The following TBX15 variants were observed in gnomAD, a reference collection of about 807,000 sequenced individuals.
The protein encoded by TBX15 is T-box transcription factor 15.
A neutral mutation model predicts 53.9 loss-of-function variants in TBX15; 18 were observed. The ratio of observed to expected loss-of-function variants is 0.33; its 90% confidence interval spans 0.23 to 0.49. The LOEUF is 0.49. TBX15 is among the 20% of genes least tolerant of loss of function. TBX15 has a pLI of 0.98. For synonymous variants in TBX15, 295 were observed against 278.0 expected, an observed-to-expected ratio of 1.06 and a Z score of -0.61; for missense variants, 692 against 749.5, an observed-to-expected ratio of 0.92 and a Z score of 0.90.
rs752345299 is a variant in TBX15, at chr1:118,987,724, G to T, written c.72C>A (p.Ile24=). ...RAHAFSVEAL[I]GSNKKRKLRD... Reference sequence around the variant, plus strand: ...GCAGTTTCCGTTTTTTATTTGAGCCGATCAAGGCTTCAACGGAGAAGGCAT... The same window carrying T: ...GCAGTTTCCGTTTTTTATTTGAGCCTATCAAGGCTTCAACGGAGAAGGCAT... Residue 24 remains isoleucine (I), a synonymous_variant, in exon 1 of 8, where the codon ATC becomes ATA. Transcript: ENST00000369429. The T allele has an allele frequency of 7.7e-6, 12 of 1,550,302 alleles. No individual in the cohort carries two copies. Among genetic ancestry groups the T allele is most frequent in the Middle Eastern group, 1.7e-4 (1 of 5,988 alleles).
chr1:118,927,797 C>T (rs1400198124), intron 2 of TBX15, among the ~76,000 whole-genome samples: 2 of 152,148 alleles, frequency 1.3e-5, no homozygotes, highest in Admixed American at 6.6e-5. Context: ...CTTCTTTAAC[C>T]ATAAGAAAGA....
intron 6 of TBX15, among the ~76,000 whole-genome samples, chr1:118,900,851 TTGGCCA>T (rs1254329262): frequency 6.6e-6 from 1 of 152,158 alleles, no homozygotes; most frequent in East Asian, 1.9e-4. Flanking sequence ...TTTTGGAATG[TTGGCCA>T]CCCACCAGAA....
At chr1:118,911,682 T>C (rs1375946627) in intron 6 of TBX15, among the ~76,000 whole-genome samples, 4 of 152,220 alleles carry the variant, frequency 2.6e-5, no homozygotes, top group African/African-American at 9.6e-5. Context: ...CTGTTCTAAA[T>C]CATGCCTCAG....
chr1:118,899,178 T>C (rs767890012), intron 6 of TBX15, 53 bp from the exon 7 acceptor site: 19 of 1,530,414 alleles, frequency 1.2e-5, no homozygotes, highest in African/African-American at 4.1e-5. Context: ...AAGAAATGCA[T>C]TGACTTTTCA....
intron 1 of TBX15, among the ~76,000 whole-genome samples, chr1:118,959,701 T>A (rs934186819): frequency 1.3e-5 from 2 of 152,160 alleles, no homozygotes; most frequent in African/African-American, 2.4e-5. Context: ...GTGAATGAAC[T>A]CAGTTCAGTG....
intron 1 of TBX15, among the ~76,000 whole-genome samples, chr1:118,960,724 T>C (rs2101677967): frequency 6.6e-6 from 1 of 152,218 alleles, no homozygotes; most frequent in South Asian, 2.1e-4. Context: ...GGGCTTCGTG[T>C]TCCAAAGTCC....
chr1:118,979,784 C>T (rs1657583636), intron 1 of TBX15, among the ~76,000 whole-genome samples: 1 of 152,204 alleles, frequency 6.6e-6, no homozygotes, highest in Non-Finnish European at 1.5e-5. Context: ...TTTCCAGGGT[C>T]CCGGGTTTCC....
intron 1 of TBX15, among the ~76,000 whole-genome samples, chr1:118,939,032 C>A (rs753771025): frequency 1.2e-4 from 18 of 152,122 alleles, no homozygotes; most frequent in Non-Finnish European, 2.4e-4. Flanking sequence ...CCATGGCATA[C>A]TATGCGACCA....
At chr1:118,972,214 A>C (rs965850168) in intron 1 of TBX15, among the ~76,000 whole-genome samples, 2 of 152,238 alleles carry the variant, frequency 1.3e-5, no homozygotes, top group Admixed American at 1.3e-4. Context: ...TGGTGCATCC[A>C]AGAATTTTCC....
At chr1:118,956,231 G>A (rs1361819379) in intron 1 of TBX15, among the ~76,000 whole-genome samples, 1 of 151,974 alleles carries the variant, frequency 6.6e-6, no homozygotes, top group Admixed American at 6.6e-5. Flanking sequence ...CTAGCAGTCT[G>A]AGCAGACTAA....
At chr1:118,899,538 G>T (rs529114143) in intron 6 of TBX15, among the ~76,000 whole-genome samples, 1 of 152,252 alleles carries the variant, frequency 6.6e-6, no homozygotes, top group South Asian at 2.1e-4. Context: ...CAGCCTGACC[G>T]AGAGTCAACT....
At position 118,883,496 on chromosome 1, in the gene TBX15, T is replaced by C. The variant is rs1329799002; in HGVS notation, c.*1236A>G. 1 of 152,238 alleles carries C rather than the reference T, an allele frequency of 6.6e-6. No homozygotes were observed. Among genetic ancestry groups the C allele is most frequent in the Admixed American group, 6.5e-5 (1 of 15,284 alleles). 9.4% of individuals were successfully genotyped at this position (152,238 alleles called of 1,614,324 possible). A position where few individuals can be genotyped will look rare whatever the true frequency, so the allele number is the denominator to read the frequency against. ...CCCTGGGACATGAGGGGATATTTCC[T>C]GCCACAGGGATAGCGGGCAGGCATT... On this transcript the variant is annotated 3_prime_UTR_variant, in exon 8 of 8. Coordinates refer to ENST00000369429, the MANE Select transcript of TBX15 (RefSeq NM_001330677.2).
At chr1:118,909,856 C>G (rs934107467) in intron 6 of TBX15, among the ~76,000 whole-genome samples, 1 of 152,220 alleles carries the variant, frequency 6.6e-6, no homozygotes, top group Non-Finnish European at 1.5e-5. Context: ...GCTGGGATTA[C>G]AGGCATGAGC....
intron 1 of TBX15, among the ~76,000 whole-genome samples, chr1:118,935,842 T>C (rs532207041): frequency 6.6e-6 from 1 of 152,308 alleles, no homozygotes; most frequent in African/African-American, 2.4e-5. Flanking sequence ...TACCTAATAT[T>C]GTCTTCCCAT....
intron 6 of TBX15, among the ~76,000 whole-genome samples, chr1:118,901,221 A>C (rs1352609545): frequency 6.6e-6 from 1 of 152,214 alleles, no homozygotes; most frequent in African/African-American, 2.4e-5. Flanking sequence ...GTCCAAGAGC[A>C]AGGTGCTGGC....
chr1:118,968,537 A>C (rs1657127998), intron 1 of TBX15, among the ~76,000 whole-genome samples: 1 of 152,214 alleles, frequency 6.6e-6, no homozygotes, highest in Non-Finnish European at 1.5e-5. Flanking sequence ...TCTGAAAAAC[A>C]AACTTAAATG....
At chr1:118,949,817 T>C (rs1238138150) in intron 1 of TBX15, among the ~76,000 whole-genome samples, 1 of 151,730 alleles carries the variant, frequency 6.6e-6, no homozygotes, top group East Asian at 1.9e-4. Context: ...GGGAGAAAAA[T>C]ACAAACAATT....
intron 6 of TBX15, among the ~76,000 whole-genome samples, chr1:118,912,929 T>G (rs1212602943): frequency 6.6e-6 from 1 of 152,204 alleles, no homozygotes; most frequent in African/African-American, 2.4e-5. Context: ...TGAGTGATTT[T>G]TACTTTTCTC....
At chr1:118,972,962 T>A (rs1211682691) in intron 1 of TBX15, among the ~76,000 whole-genome samples, 3 of 152,124 alleles carry the variant, frequency 2.0e-5, no homozygotes, top group African/African-American at 7.2e-5. Flanking sequence ...AAAAGTATAA[T>A]TATGAGCAAG....
Sources: allele counts gnomAD v4.1 joint callset (sites outside exome capture counted in the v4.1 genomes callset), GRCh38; gene constraint gnomAD v4.1.1; transcripts MANE v1.5; gene names NCBI Gene and HGNC (gene_info 2026-07-23, HGNC 2026-07-21).